Variants in CSMD1 observed in about 807,000 individuals in gnomAD.
CSMD1 encodes the protein CUB and Sushi multiple domains 1, also known as CUB and sushi domain-containing protein 1.
A neutral mutation model predicts 417.5 loss-of-function variants in CSMD1; 213 were observed. The observed-to-expected ratio is 0.51, with a 90% CI of 0.46 to 0.57. The LOEUF (loss-of-function observed/expected upper bound fraction) is 0.57. Among genes scored for constraint, CSMD1 ranks in the 20% least tolerant of loss-of-function variants. The pLI is 0.00. For missense variants in CSMD1, 6,923 were observed against 4,529.7 expected (o/e 1.53, Z -15.17); for synonymous variants, 2,862 against 1,736.8 (o/e 1.65, Z -16.11).
chr8:3,874,719 C>A (rs1024232826), intron 5 of CSMD1, among the ~76,000 whole-genome samples: 14 of 152,046 alleles, frequency 9.2e-5, no homozygotes, highest in Admixed American at 8.5e-4. Flanking sequence ...CGACTGGCGC[C>A]CACTGCTCTT....
At chr8:3,875,046 G>A (rs898066770) in intron 5 of CSMD1, among the ~76,000 whole-genome samples, 2 of 152,128 alleles carry the variant, frequency 1.3e-5, no homozygotes, top group African/African-American at 4.8e-5. Context: ...ATGAGCTGGG[G>A]CGGCTGAAAG....
At chr8:3,076,046 G>C (rs372450016) in intron 49 of CSMD1, among the ~76,000 whole-genome samples, 1 of 139,726 alleles carries the variant, frequency 7.2e-6, no homozygotes, top group African/African-American at 2.7e-5. Flanking sequence ...GCGAGACTCC[G>C]TCTCAAAAAA....
At chr8:4,778,570 C>A (rs1796990720) in intron 1 of CSMD1, among the ~76,000 whole-genome samples, 4 of 152,174 alleles carry the variant, frequency 2.6e-5, no homozygotes, top group Admixed American at 1.3e-4. Flanking sequence ...CTAGGAAGAT[C>A]AACCTGGAAA....
chr8:4,361,319 T>C (rs1221343253), intron 3 of CSMD1, among the ~76,000 whole-genome samples: 2 of 152,198 alleles, frequency 1.3e-5, no homozygotes, highest in African/African-American at 4.8e-5. Context: ...TTTTAAAATA[T>C]TAGATAATGA....
At chr8:4,337,772 T>G (rs1800255063) in intron 3 of CSMD1, among the ~76,000 whole-genome samples, 1 of 152,138 alleles carries the variant, frequency 6.6e-6, no homozygotes, top group Admixed American at 6.6e-5. Flanking sequence ...TGGGCTGGAG[T>G]TATTTTAATC....
intron 15 of CSMD1, among the ~76,000 whole-genome samples, chr8:3,404,949 A>T (rs967541327): frequency 1.3e-5 from 2 of 152,196 alleles, no homozygotes; most frequent in African/African-American, 4.8e-5. Flanking sequence ...ACATTCTTGA[A>T]AAAAACCTGT....
chr8:3,466,671 C>G (rs576638388), intron 12 of CSMD1, among the ~76,000 whole-genome samples: 1 of 150,820 alleles, frequency 6.6e-6, no homozygotes, highest in Non-Finnish European at 1.5e-5. Flanking sequence ...TTAAGTGATC[C>G]GCCTGCCTTG....
intron 3 of CSMD1, among the ~76,000 whole-genome samples, chr8:4,331,517 T>C (rs1799868368): frequency 6.6e-6 from 1 of 152,164 alleles, no homozygotes. Context: ...AGTGTTGTTG[T>C]ATCCCATTCT....
chr8:4,410,445 T>C (rs114084130), intron 3 of CSMD1, among the ~76,000 whole-genome samples: 5 of 152,164 alleles, frequency 3.3e-5, no homozygotes, highest in East Asian at 3.9e-4. Flanking sequence ...AGCGTCCAGA[T>C]AGTATATAGC....
intron 5 of CSMD1, among the ~76,000 whole-genome samples, chr8:3,764,706 G>A (rs945272403): frequency 2.6e-5 from 4 of 151,616 alleles, no homozygotes; most frequent in African/African-American, 9.7e-5. Context: ...AATTCATGGG[G>A]AAGCTAAATC....
At chr8:4,437,007 G>A (rs1012489310) in intron 2 of CSMD1, among the ~76,000 whole-genome samples, 6 of 152,132 alleles carry the variant, frequency 3.9e-5, no homozygotes, top group African/African-American at 1.4e-4. Flanking sequence ...GGACTATCCT[G>A]ATTCTCTCTA....
chr8:4,368,717 T>G (rs1408814449), intron 3 of CSMD1, among the ~76,000 whole-genome samples: 2 of 152,168 alleles, frequency 1.3e-5, no homozygotes, highest in Admixed American at 1.3e-4. Flanking sequence ...TCTAGGAATT[T>G]ATCTAGTCTC....
At chr8:4,325,965 G>C (rs1264958656) in intron 3 of CSMD1, among the ~76,000 whole-genome samples, 1 of 152,136 alleles carries the variant, frequency 6.6e-6, no homozygotes, top group East Asian at 1.9e-4. Flanking sequence ...TCAGTCTACA[G>C]TAGCACAATT....
At chr8:4,878,242 G>A (rs965933362) in intron 1 of CSMD1, among the ~76,000 whole-genome samples, 1 of 152,002 alleles carries the variant, frequency 6.6e-6, no homozygotes, top group Non-Finnish European at 1.5e-5. Context: ...AAGGGTCAGG[G>A]AAGGAAAGGA....
rs562209270 is a variant in CSMD1, at chr8:4,116,475, G to A, written c.416-84376C>T. Among the ~76,000 whole-genome samples the A allele has an allele frequency of 2.2e-5, 3 of 133,636 alleles. No individual in the cohort carries two copies. The East Asian group carries it at 6.5e-4, about 29-fold the overall frequency. The allele number at this position is 133,636 out of a possible 152,430, so 87.7% of individuals were successfully genotyped here. A position where few individuals can be genotyped will look rare whatever the true frequency, so the allele number is the denominator to read the frequency against. On this transcript the variant is annotated intron_variant, in intron 3 of 69. Coordinates refer to ENST00000635120, the MANE Select transcript of CSMD1 (RefSeq NM_033225.6). ...TGCCTGAATGGAACAAACGCGCCAT[G>A]AATGAACCCTAACGTAAGCTGTACA...
chr8:4,033,264 C>T (rs1419261269), intron 3 of CSMD1, among the ~76,000 whole-genome samples: 2 of 151,266 alleles, frequency 1.3e-5, no homozygotes, highest in Non-Finnish European at 1.5e-5. Context: ...CACGGTGAAA[C>T]CCTGTCTCTA....
chr8:3,523,789 A>G (rs957556914), intron 10 of CSMD1, among the ~76,000 whole-genome samples: 4 of 151,304 alleles, frequency 2.6e-5, no homozygotes, highest in Non-Finnish European at 1.5e-5. Context: ...ACCCAGAGAC[A>G]TATGCACACA....
chr8:3,648,157 A>G (rs942960084), intron 7 of CSMD1, among the ~76,000 whole-genome samples: 2 of 152,230 alleles, frequency 1.3e-5, no homozygotes, highest in Non-Finnish European at 2.9e-5. Flanking sequence ...TAAGTTAGAT[A>G]CTTCTCTACC....
chr8:3,366,937 A>G (rs560071401), intron 20 of CSMD1, 95 bp downstream of exon 20: 7 of 956,388 alleles, frequency 7.3e-6, no homozygotes, highest in Admixed American at 4.1e-5. Flanking sequence ...ACGGATGCAC[A>G]CATTACACAC....
Sources: gnomAD v4.1 joint callset for allele counts (sites outside exome capture counted in the v4.1 genomes callset) on GRCh38, gnomAD v4.1.1 for gene constraint, MANE v1.5 for transcripts, NCBI Gene and HGNC (gene_info 2026-07-23, HGNC 2026-07-21) for gene names.